DIP2B: variants seen among roughly 807,000 people sequenced by gnomAD.
DIP2B encodes the protein DIP2 acetate--CoA ligase B (putative).
Under a neutral mutation model 198.0 loss-of-function variants are expected in DIP2B, and 76 were observed. That is an observed-to-expected ratio of 0.38 (90% confidence interval 0.32 to 0.46). DIP2B has a LOEUF of 0.46. Among genes scored for constraint, DIP2B ranks in the 20% least tolerant of loss-of-function variants. The pLI is 0.99. For synonymous variants in DIP2B, 701 were observed against 739.1 expected (o/e 0.95, Z 0.84); for missense variants, 1,559 against 1,978.4 (o/e 0.79, Z 4.02).
Position 50,594,089 on chromosome 12 carries a change from T to TGCC in DIP2B, c.101-31886_101-31884dup, listed in dbSNP as rs1958858637. ...CTGAGTAGCTGGGATTACAGGTGTT[T>TGCC]GCCACCATGCTCTGCTAATTTTTTT... On this transcript the variant is annotated intron_variant, in intron 1 of 37. Transcript: ENST00000301180. Among the ~76,000 whole-genome samples the TGCC allele has an allele frequency of 2.0e-5, 3 of 149,882 alleles. No homozygotes were observed. In the South Asian group the frequency reaches 6.4e-4, roughly 32 times the overall value.
chr12:50,530,976 T>C lies in DIP2B; in HGVS notation c.100+25736T>C, dbSNP rs144207393. ...TGTAGAAAGGCCTGTCCTGAAGATA[T>C]ACATTCAGTATTCCTTAGCATGTAT... On this transcript the variant is annotated intron_variant, in intron 1 of 37. Coordinates refer to ENST00000301180, the MANE Select transcript of DIP2B (RefSeq NM_173602.3). Among the ~76,000 whole-genome samples, 418 of 152,308 alleles carry C rather than the reference T, an allele frequency of 2.7e-3. 1 individual carries two copies. Among genetic ancestry groups the C allele is most frequent in the South Asian group, 6.4e-3 (31 of 4,826 alleles).
intron 1 of DIP2B, among the ~76,000 whole-genome samples, chr12:50,606,978 A>AT (rs1268642732): frequency 1.3e-5 from 2 of 151,720 alleles, no homozygotes; most frequent in African/African-American, 4.8e-5. Context: ...TAATTTTTGT[A>AT]TTTTTTGTAG....
intron 1 of DIP2B, among the ~76,000 whole-genome samples, chr12:50,593,717 T>TCTCCCCTCCCCTCCC (rs1214354084): frequency 2.7e-4 from 3 of 11,270 alleles, no homozygotes; most frequent in Non-Finnish European, 4.2e-4. Flanking sequence ...CCTCCTCTCC[T>TCTCCCCTCCCCTCCC]CTCCTCTCCT....
chr12:50,564,987 C>T (rs1958551072), intron 1 of DIP2B, among the ~76,000 whole-genome samples: 1 of 152,136 alleles, frequency 6.6e-6, no homozygotes. Context: ...TTCCTAACCA[C>T]ATGAACTAGT....
chr12:50,511,325 C>T (rs1448592663), intron 1 of DIP2B, among the ~76,000 whole-genome samples: 4 of 54,116 alleles, frequency 7.4e-5, no homozygotes, highest in African/African-American at 1.2e-4. Context: ...GACAGGGTCT[C>T]ACTCTGTTGC....
rs201041397 is a variant in DIP2B at position 50,505,861 on chromosome 12, G to GTT, written c.100+631_100+632dup. Among the ~76,000 whole-genome samples the GTT allele has an allele frequency of 2.3e-3, 347 of 148,002 alleles. 2 individuals are homozygous for GTT. Among genetic ancestry groups the GTT allele is most frequent in the African/African-American group, 7.8e-3 (317 of 40,426 alleles). On this transcript the variant is annotated intron_variant, in intron 1 of 37. Transcript: ENST00000301180. ...TTTTAGACCACCTTTGTCATAAGAAGTTTTTTTTTTTCCTGGTGCCTGTTA... is the reference window on the plus strand; with the variant it reads ...TTTTAGACCACCTTTGTCATAAGAAGTTTTTTTTTTTTTCCTGGTGCCTGTTA...
chr12:50,739,644 C>T (rs1041748901), intron 36 of DIP2B, 58 bp downstream of exon 36: 2 of 1,587,948 alleles, frequency 1.3e-6, no homozygotes, highest in African/African-American at 2.7e-5. Context: ...CACTAGCTGA[C>T]CTCCTTCAGC....
At chr12:50,540,673 C>G (rs1407270043) in intron 1 of DIP2B, among the ~76,000 whole-genome samples, 3 of 151,652 alleles carry the variant, frequency 2.0e-5, no homozygotes, top group South Asian at 2.1e-4. Flanking sequence ...CTCAGCCTAC[C>G]GAGTAGCTGG....
intron 1 of DIP2B, among the ~76,000 whole-genome samples, chr12:50,546,243 G>C (rs1376910827): frequency 1.3e-5 from 2 of 152,234 alleles, no homozygotes; most frequent in Non-Finnish European, 2.9e-5. Context: ...TATCAAGTGA[G>C]AGGCGGCATG....
chr12:50,624,635 A>G (rs1210610713), intron 1 of DIP2B, among the ~76,000 whole-genome samples: 1 of 152,002 alleles, frequency 6.6e-6, no homozygotes, highest in African/African-American at 2.4e-5. Flanking sequence ...CCTGGCCCCT[A>G]TTTTCAAGCA....
intron 1 of DIP2B, among the ~76,000 whole-genome samples, chr12:50,519,472 G>A (rs886982131): frequency 6.6e-6 from 1 of 152,144 alleles, no homozygotes; most frequent in Non-Finnish European, 1.5e-5. Context: ...TTATGTACTT[G>A]TCTTTTGTTG....
intron 1 of DIP2B, among the ~76,000 whole-genome samples, chr12:50,601,696 T>C (rs1010542952): frequency 5.3e-5 from 8 of 152,370 alleles, no homozygotes; most frequent in Admixed American, 2.0e-4. Flanking sequence ...GTTTTTATAC[T>C]TTAGCCAGTT....
intron 2 of DIP2B, among the ~76,000 whole-genome samples, chr12:50,630,411 C>T (rs546825626): frequency 1.9e-4 from 29 of 151,982 alleles, no homozygotes; most frequent in African/African-American, 7.0e-4. Context: ...TGTCAGTTTT[C>T]CATGTAATTC....
intron 3 of DIP2B, among the ~76,000 whole-genome samples, chr12:50,650,882 C>T (rs769561385): frequency 6.6e-5 from 10 of 152,112 alleles, no homozygotes; most frequent in South Asian, 4.1e-4. Flanking sequence ...GAGGAAACTC[C>T]GTACTATTTT....
chr12:50,660,250 G>A lies in DIP2B; in HGVS notation c.358G>A (p.Ala120Thr). The change falls in exon 4 of 38, where the codon GCT (alanine) becomes ACT (threonine). Residue 120 changes from alanine (A) to threonine (T), a missense_variant. Transcript: ENST00000301180. ...ALAKHKEQKM[A>T]LPMPTKRRST... ...GGCAAAGCATAAAGAACAGAAGATG[G>A]CTTTGCCCATGCCAACCAAAAGGCG... is the stretch of plus-strand genomic sequence containing the variant. 1 of 1,613,288 alleles carries A rather than the reference G, an allele frequency of 6.2e-7. No homozygotes were observed. The highest frequency in any genetic ancestry group is 8.5e-7 in the Non-Finnish European group (1 of 1,179,648).
At chr12:50,738,216 C>T (rs565696124) in intron 35 of DIP2B, among the ~76,000 whole-genome samples, 218 of 151,934 alleles carry the variant, frequency 1.4e-3, no homozygotes, top group African/African-American at 4.9e-3. Context: ...GGCGTGTGCC[C>T]GTAGTCCCAG....
At chr12:50,577,935 A>G (rs190575650) in intron 1 of DIP2B, among the ~76,000 whole-genome samples, 1 of 152,354 alleles carries the variant, frequency 6.6e-6, no homozygotes, top group Non-Finnish European at 1.5e-5. Context: ...AACTTCTTAA[A>G]GGTTAGTTAC....
chr12:50,720,994 AGAG>A (rs1939825536), intron 25 of DIP2B, among the ~76,000 whole-genome samples: 2 of 152,092 alleles, frequency 1.3e-5, no homozygotes, highest in Admixed American at 6.6e-5. Context: ...TTTTTAGTGG[AGAG>A]GAGATCTTGC....
At chr12:50,699,346 G>A in intron 19 of DIP2B, 144 bp downstream of exon 19, 1 of 1,262,980 alleles carries the variant, frequency 7.9e-7, no homozygotes, top group Non-Finnish European at 1.1e-6. Context: ...TTCAAATTCT[G>A]AACTTAGGTC....
Sources: allele counts gnomAD v4.1 joint callset (sites outside exome capture counted in the v4.1 genomes callset), GRCh38; gene constraint gnomAD v4.1.1; transcripts MANE v1.5; gene names NCBI Gene and HGNC (gene_info 2026-07-23, HGNC 2026-07-21).